SMARCC2: variants seen among roughly 807,000 people sequenced by gnomAD.
SMARCC2 encodes SWI/SNF related BAF chromatin remodeling complex subunit C2.
Under a neutral mutation model 151.3 loss-of-function variants are expected in SMARCC2, and 15 were observed. The observed-to-expected ratio is 0.10, with a 90% confidence interval of 0.07 to 0.15. The LOEUF (loss-of-function observed/expected upper bound fraction) is 0.15. Ranked by LOEUF, SMARCC2 falls within the 10% of genes least tolerant of loss-of-function variation. The pLI is 1.00. For missense variants in SMARCC2, 1,031 were observed against 1,599.7 expected (o/e 0.64, Z 6.06); for synonymous variants, 590 against 609.5 (o/e 0.97, Z 0.47).
chr12:56,165,390 G>T lies in SMARCC2; in HGVS notation c.3160C>A (p.Gln1054Lys). 6.6e-7 allele frequency: 1 copy of T among 1,507,148 alleles called. No homozygotes were observed. Among genetic ancestry groups the T allele is most frequent in the Non-Finnish European group, 8.8e-7 (1 of 1,130,744 alleles). 93.4% of individuals were successfully genotyped at this position (1,507,148 alleles called of 1,614,324 possible). The change falls in exon 27 of 29, where the codon CAG becomes AAG. Residue 1054 changes from glutamine to lysine, a missense_variant. Coordinates refer to ENST00000550164, the MANE Select transcript of SMARCC2 (RefSeq NM_001330288.2). ...GGGGCTCCAGCTGGTTGCTGCTGCT[G>T]TGGCCCTGCAGTTGACCCTGCCTGC... ...IGQAGSTAGP[Q>K]QQQPAGAPQP... is the part of the protein sequence containing the mutation.
In SMARCC2 at chr12:56,174,871, A is replaced by G. The variant is rs1037690830; in HGVS notation, c.1383-107T>C. The G allele has an allele frequency of 8.2e-6, 6 of 731,028 alleles. No homozygotes were observed. The Middle Eastern group carries it at 8.7e-4, about 106-fold the overall frequency. The allele number at this position is 731,028 out of a possible 1,614,324, so 45.3% of individuals were successfully genotyped here. On this transcript the variant is annotated intron_variant, in intron 15 of 28. Transcript: ENST00000550164. ...TAATGACTTCTCCTGCATGATAAAGATGGAAAAAAGTAGATTATTTGACTC... is the reference window on the plus strand; with the variant it reads ...TAATGACTTCTCCTGCATGATAAAGGTGGAAAAAAGTAGATTATTTGACTC...
intron 16 of SMARCC2, 32 bp downstream of exon 16, chr12:56,174,619 T>C (rs752869391): frequency 8.2e-5 from 115 of 1,406,712 alleles, no homozygotes; most frequent in Non-Finnish European, 1.1e-4. Flanking sequence ...GGCATCCTCA[T>C]GTACCCCCTT....
rs202072227 is a variant in SMARCC2 at position 56,163,654 on chromosome 12, C to G, written c.*35G>C. On this transcript the variant is annotated 3_prime_UTR_variant, in exon 29 of 29. Coordinates refer to ENST00000550164, the MANE Select transcript of SMARCC2 (RefSeq NM_001330288.2). ...GCTGTTCCTGGAACCGTGATGTCCA[C>G]AGGGGGTGAGGGGGAGAGATGTCTG... The G allele has an allele frequency of 4.6e-6, 6 of 1,301,634 alleles. No homozygotes were observed. Among genetic ancestry groups the G allele is most frequent in the Non-Finnish European group, 6.2e-6 (6 of 962,640 alleles). 80.6% of individuals were successfully genotyped at this position (1,301,634 alleles called of 1,614,324 possible).
Position 56,178,801 on chromosome 12 carries a change from T to G in SMARCC2, c.1179+9A>C. The G allele has an allele frequency of 6.2e-7, 1 of 1,613,338 alleles. No homozygotes were observed. The highest frequency in any genetic ancestry group is 8.5e-7 in the Non-Finnish European group (1 of 1,179,290). On this transcript the variant is annotated intron_variant, in intron 13 of 28. Transcript: ENST00000550164. ...ATAGAGAGGTAGGGCCTCTCTAAAC[T>G]GGCTCCACCTTGCCCGTCGTCTCCA...
chr12:56,171,551 G>A lies in SMARCC2; in HGVS notation c.2186-119C>T. 3 of 1,502,710 alleles carry A rather than the reference G, an allele frequency of 2.0e-6. No individual in the cohort carries two copies. Among genetic ancestry groups the A allele is most frequent in the Non-Finnish European group, 2.7e-6 (3 of 1,101,082 alleles). 93.1% of individuals were successfully genotyped at this position (1,502,710 alleles called of 1,614,324 possible). Reference sequence around the variant, plus strand: ...CTAAGCTAGTATGGAGCCTAGACAGGTGCCTGAGCTGAGGCCCGCACAGAC... The same window carrying A: ...CTAAGCTAGTATGGAGCCTAGACAGATGCCTGAGCTGAGGCCCGCACAGAC... On this transcript the variant is annotated intron_variant, in intron 21 of 28. Coordinates refer to ENST00000550164, the MANE Select transcript of SMARCC2 (RefSeq NM_001330288.2). The surrounding 1 kb of genome is among the most constrained non-coding windows in gnomAD (Gnocchi z 4.2).
chr12:56,184,512 T>C, intron 5 of SMARCC2: 1 of 550,050 alleles, frequency 1.8e-6, no homozygotes, highest in Non-Finnish European at 3.2e-6. Flanking sequence ...TGTACATCCT[T>C]ATCAATGACA....
At chr12:56,175,421 G>C (rs538514945) in intron 15 of SMARCC2, among the ~76,000 whole-genome samples, 1 of 152,136 alleles carries the variant, frequency 6.6e-6, no homozygotes, top group Admixed American at 6.5e-5. Context: ...AGCATACCAC[G>C]GTAAAAAACA....
intron 15 of SMARCC2, among the ~76,000 whole-genome samples, chr12:56,175,994 G>T (rs1425177088): frequency 6.6e-6 from 1 of 151,920 alleles, no homozygotes; most frequent in Non-Finnish European, 1.5e-5. Flanking sequence ...AAGTAGCTGG[G>T]ATTACAGGTG....
At chr12:56,188,924 C>A (rs1324642659) in intron 1 of SMARCC2, among the ~76,000 whole-genome samples, 1 of 152,058 alleles carries the variant, frequency 6.6e-6, no homozygotes, top group Non-Finnish European at 1.5e-5. Flanking sequence ...ACACAAAGCA[C>A]CGGAGAGGCC....
Position 56,164,451 on chromosome 12 carries a change from C to T in SMARCC2, c.3513G>A (p.Ala1171=), listed in dbSNP as rs1227453567. The part of the protein sequence containing the change: ...LPPPNLPVSM[A]NPLHPNLPAT... ...CCGGCAGGTTAGGATGTAGAGGGTTCGCCATGGACACAGGCAGGTTAGGTG... is the reference window on the plus strand; with the variant it reads ...CCGGCAGGTTAGGATGTAGAGGGTTTGCCATGGACACAGGCAGGTTAGGTG... The change falls in exon 28 of 29, where the codon GCG becomes GCA. Residue 1171 remains alanine (A), a synonymous_variant. Transcript: ENST00000550164. 15 of 1,613,944 alleles carry T rather than the reference C, an allele frequency of 9.3e-6. No individual in the cohort carries two copies. Among genetic ancestry groups the T allele is most frequent in the Non-Finnish European group, 1.1e-5 (13 of 1,180,044 alleles).
intron 27 of SMARCC2, 137 bp downstream of exon 27, chr12:56,165,181 G>A (rs1872549255): frequency 2.7e-6 from 3 of 1,114,466 alleles, no homozygotes; most frequent in Admixed American, 2.8e-5. Context: ...TGATTTAGGG[G>A]CCTAAGAGAG....
At chr12:56,173,961 C>A (rs997931967) in intron 16 of SMARCC2, 112 bp from the exon 17 acceptor site, 9 of 951,786 alleles carry the variant, frequency 9.5e-6, no homozygotes, top group Non-Finnish European at 1.4e-5. Flanking sequence ...CCAACCCCGG[C>A]CTTTTCCTCT....
chr12:56,174,569 T>C, intron 16 of SMARCC2, 82 bp downstream of exon 16: 1 of 865,304 alleles, frequency 1.2e-6, no homozygotes, highest in Non-Finnish European at 2.0e-6. Flanking sequence ...CTGTGTTCCT[T>C]GCTGGCATCT....
intron 17 of SMARCC2, among the ~76,000 whole-genome samples, chr12:56,173,462 CT>C (rs1874342758): frequency 6.6e-6 from 1 of 152,170 alleles, no homozygotes; most frequent in Admixed American, 6.5e-5. Context: ...ATTAGCCTGT[CT>C]ACTCCTTGAG....
At chr12:56,181,631 T>C (rs751700881) in intron 9 of SMARCC2, 34 bp from the exon 10 acceptor site, 52 of 1,610,506 alleles carry the variant, frequency 3.2e-5, no homozygotes, top group Non-Finnish European at 4.1e-5. Context: ...AATGTCAGCC[T>C]ACAATCCCCA....
In SMARCC2 at chr12:56,171,274, T is replaced by C; in HGVS notation, c.2344A>G (p.Ile782Val). ...CTGGGAACCTGCCTGGCCTTACCAATCCGCTCAGGCTCATCAGAGGTGGTT... is the reference window on the plus strand; with the variant it reads ...CTGGGAACCTGCCTGGCCTTACCAACCCGCTCAGGCTCATCAGAGGTGGTT... ...AGTTSDEPER[I>V]EESGNDEARV... is the part of the protein sequence containing the mutation. The change falls in exon 22 of 29, where the codon ATT (isoleucine) becomes GTT (valine). Residue 782 changes from isoleucine to valine, a missense_variant. By Grantham distance (29) the Ile-to-Val change is conservative. Around this residue, in one of 12 missense-constraint regions of SMARCC2, gnomAD observed 119 missense variants for 184.2 expected, o/e 0.65. Coordinates refer to ENST00000550164, the MANE Select transcript of SMARCC2 (RefSeq NM_001330288.2). The surrounding 1 kb of genome is among the most constrained non-coding windows in gnomAD (Gnocchi z 4.2). 1 of 1,614,146 alleles carries C rather than the reference T, an allele frequency of 6.2e-7. No homozygotes were observed.
chr12:56,165,139 C>G (rs1475665175), intron 27 of SMARCC2, among the ~76,000 whole-genome samples, 179 bp downstream of exon 27: 1 of 152,190 alleles, frequency 6.6e-6, no homozygotes. Context: ...AATAAAATTC[C>G]AAAGCTCTCG....
intron 15 of SMARCC2, 85 bp downstream of exon 15, chr12:56,177,937 T>C: frequency 1.0e-6 from 1 of 959,490 alleles, no homozygotes; most frequent in Non-Finnish European, 1.6e-6. Flanking sequence ...CAAGAAATGT[T>C]TGCTAAACTG....
chr12:56,183,145 G>T (rs920026535), intron 7 of SMARCC2, among the ~76,000 whole-genome samples: 1 of 151,656 alleles, frequency 6.6e-6, no homozygotes, highest in Non-Finnish European at 1.5e-5. Context: ...CAGCCTACGT[G>T]CTATTTTTTG....
Sources: allele counts gnomAD v4.1 joint callset (sites outside exome capture counted in the v4.1 genomes callset), GRCh38; gene constraint gnomAD v4.1.1; regional missense constraint gnomAD v4.1.1; non-coding constraint Gnocchi (gnomAD v3.1); transcripts MANE v1.5; gene names NCBI Gene and HGNC (gene_info 2026-07-23, HGNC 2026-07-21).